Variants in TRAPPC2L observed in about 807,000 individuals in gnomAD.
TRAPPC2L encodes trafficking protein particle complex subunit 2-like protein.
TRAPPC2L carries 17 observed loss-of-function variants against 13.2 expected under a neutral mutation model. The observed-to-expected ratio is 1.29, with a 90% confidence interval of 0.88 to 1.93. TRAPPC2L has a LOEUF of 1.93. TRAPPC2L is among the 30% of genes most tolerant of loss of function. The probability of loss-of-function intolerance (pLI) is 0.00; values close to 1 mark genes in which losing one functional copy is unlikely to be tolerated. For missense variants in TRAPPC2L, 359 were observed against 252.1 expected, an observed-to-expected ratio of 1.42 and a Z score of -2.87; for synonymous variants, 150 against 98.1, an observed-to-expected ratio of 1.53 and a Z score of -3.12.
chr16:88,857,036 T>C, upstream of TRAPPC2L: 9 of 1,425,268 alleles, frequency 6.3e-6, no homozygotes, highest in Non-Finnish European at 7.3e-6. Flanking sequence ...CTGGACTGCC[T>C]CGTGACCAGT....
chr16:88,859,940 CT>C lies in TRAPPC2L; in HGVS notation c.344del (p.Phe115SerfsTer24), dbSNP rs1169048089. 3 of 1,526,372 alleles carry C rather than the reference CT, an allele frequency of 2.0e-6. No individual in the cohort carries two copies. Among genetic ancestry groups the C allele is most frequent in the Non-Finnish European group, 2.6e-6 (3 of 1,142,098 alleles). 94.6% of individuals were successfully genotyped at this position (1,526,372 alleles called of 1,614,324 possible). A position where few individuals can be genotyped will look rare whatever the true frequency, so the allele number is the denominator to read the frequency against. On this transcript the variant is annotated frameshift_variant, in exon 4 of 4. Transcript: ENST00000565504. LOFTEE classifies it low-confidence loss of function (END_TRUNC). ...CCTACACAGACGTGATGTGCAACCC[CT>C]TCTACAACCCGGGGGACCGCATCCA...
At chr16:88,856,398 G>A (rs1967883454), upstream of TRAPPC2L, 3 of 701,786 alleles carry the variant, frequency 4.3e-6, no homozygotes, top group Admixed American at 2.0e-5. Context: ...AGAGTAGAGG[G>A]CGGGAAAGGT....
At position 88,857,181 on chromosome 16, in the gene TRAPPC2L, G is replaced by T. The variant is rs763770257; in HGVS notation, c.31G>T (p.Glu11Ter). The T allele has an allele frequency of 1.3e-6, 2 of 1,577,766 alleles. No individual in the cohort carries two copies. Among genetic ancestry groups the T allele is most frequent in the Non-Finnish European group, 1.7e-6 (2 of 1,167,236 alleles). ...GGTGTGCATCGCGGTGATTGCCAAG[G>T]AGGTGCGTACGCGCGGCGTGGGGCG... The change falls in exon 1 of 4, where the codon GAG (glutamate) becomes TAG (stop). Residue 11 changes from glutamate (E) to a stop codon, truncating the protein, a stop_gained and splice_region_variant. Transcript: ENST00000565504. LOFTEE classifies it high-confidence loss of function.
chr16:88,856,788 G>T, upstream of TRAPPC2L: 1 of 1,543,886 alleles, frequency 6.5e-7, no homozygotes, highest in South Asian at 1.2e-5. Flanking sequence ...GGATGTTGGG[G>T]GGCTGCGGGG....
In TRAPPC2L at chr16:88,857,183, G is replaced by A. The variant is rs756746301; in HGVS notation, c.33G>A (p.Glu11=). The change falls in exon 1 of 4, where the codon GAG becomes GAA. Residue 11 remains glutamate, a splice_region_variant and synonymous_variant. Transcript: ENST00000565504. ...TGTGCATCGCGGTGATTGCCAAGGA[G>A]GTGCGTACGCGCGGCGTGGGGCGTC... is the stretch of plus-strand genomic sequence containing the variant. 8.9e-6 allele frequency: 14 copies of A among 1,576,178 alleles called. No homozygotes were observed. In the South Asian group the frequency reaches 1.4e-4, roughly 15 times the overall value.
At chr16:88,856,329 C>A (rs1461048396), upstream of TRAPPC2L, 1 of 702,526 alleles carries the variant, frequency 1.4e-6, no homozygotes, top group East Asian at 2.7e-5. Context: ...TCAGGCAGGG[C>A]GGCAGGAGCA....
exon 4 of TRAPPC2L, chr16:88,859,938 C>G (rs1968258253): frequency 6.5e-7 from 1 of 1,528,988 alleles, no homozygotes; most frequent in Non-Finnish European, 8.7e-7. Flanking sequence ...GATGTGCAAC[C>G]CCTTCTACAA....
At chr16:88,861,485 C>T (rs1968385460) in exon 4 of TRAPPC2L, 7 of 359,778 alleles carry the variant, frequency 1.9e-5, no homozygotes, top group South Asian at 1.4e-4. Context: ...TCCGCCCGGC[C>T]TTAAAAGGAG....
upstream of TRAPPC2L, chr16:88,856,617 G>T (rs1190174249): frequency 2.7e-6 from 1 of 374,750 alleles, no homozygotes; most frequent in Non-Finnish European, 5.1e-6. Flanking sequence ...CCCCGCGCGG[G>T]GCCTCCCCCC....
exon 4 of TRAPPC2L, chr16:88,861,390 G>C (rs1325754057): frequency 2.9e-6 from 1 of 345,632 alleles, no homozygotes; most frequent in Admixed American, 4.1e-5. Flanking sequence ...GGGCACAAGG[G>C]GAGCCGGCGT....
chr16:88,857,318 C>A, intron 1 of TRAPPC2L, 135 bp downstream of exon 1: 1 of 839,824 alleles, frequency 1.2e-6, no homozygotes, highest in South Asian at 1.9e-5. Flanking sequence ...CTCCAGCGGT[C>A]AGGGGCTTCG....
upstream of TRAPPC2L, chr16:88,857,015 G>C (rs550792991): frequency 7.2e-7 from 1 of 1,390,180 alleles, no homozygotes; most frequent in East Asian, 3.0e-5. Context: ...CGGAGGGACG[G>C]GAGGCGGGGC....
At position 88,861,014 on chromosome 16, in the gene TRAPPC2L, C is replaced by A. The variant is rs912622561; in HGVS notation, c.*690C>A. On this transcript the variant is annotated 3_prime_UTR_variant, in exon 4 of 4. Transcript: ENST00000565504. ...AGCCCGCGCACGACTGTGGTGGGGC[C>A]GTCGGTCTGTTCTGGTTGCCTCTTC... The A allele has an allele frequency of 4.6e-6, 7 of 1,534,546 alleles. No individual in the cohort carries two copies. In the Admixed American group the frequency reaches 7.8e-5, roughly 17 times the overall value.
chr16:88,861,131 C>T (rs537550400), exon 4 of TRAPPC2L: 55 of 640,056 alleles, frequency 8.6e-5, no homozygotes, highest in Non-Finnish European at 1.4e-4. Flanking sequence ...TTTTTCCTTC[C>T]GTGTCAGCCA....
At chr16:88,861,881 C>A (rs1047960158) in exon 4 of TRAPPC2L, 1 of 300,260 alleles carries the variant, frequency 3.3e-6, no homozygotes, top group Non-Finnish European at 6.7e-6. Context: ...TTTCTTGATA[C>A]ATATTTGCCT....
upstream of TRAPPC2L, chr16:88,857,007 G>A: frequency 1.4e-6 from 2 of 1,388,996 alleles, no homozygotes; most frequent in Non-Finnish European, 1.8e-6. Context: ...AGAGTCCGCG[G>A]AGGGACGGGA....
chr16:88,856,461 G>C (rs1463001817), upstream of TRAPPC2L: 2 of 700,284 alleles, frequency 2.9e-6, no homozygotes, highest in East Asian at 5.4e-5. Context: ...CTGCCAGGGA[G>C]GACGCTGTCC....
At chr16:88,858,474 C>T (rs1968136484) in intron 1 of TRAPPC2L, 145 bp from the exon 2 acceptor site, 7 of 801,948 alleles carry the variant, frequency 8.7e-6, no homozygotes, top group East Asian at 7.8e-5. Context: ...GTGCCCACTG[C>T]GGCATAGAGA....
chr16:88,857,189 T>G lies in TRAPPC2L; in HGVS notation c.33+6T>G, dbSNP rs1303988897. The G allele has an allele frequency of 1.9e-6, 3 of 1,572,856 alleles. No homozygotes were observed. Among genetic ancestry groups the G allele is most frequent in the Non-Finnish European group, 2.6e-6 (3 of 1,164,732 alleles). On this transcript the variant is annotated splice_donor_region_variant and intron_variant, in intron 1 of 3. Coordinates refer to ENST00000565504, the Ensembl canonical transcript of TRAPPC2L. ...TCGCGGTGATTGCCAAGGAGGTGCGTACGCGCGGCGTGGGGCGTCCGGGCT... is the reference window on the plus strand; with the variant it reads ...TCGCGGTGATTGCCAAGGAGGTGCGGACGCGCGGCGTGGGGCGTCCGGGCT...
Sources: allele counts gnomAD v4.1 joint callset, GRCh38; gene constraint gnomAD v4.1.1; transcripts MANE v1.5; gene names NCBI Gene and HGNC (gene_info 2026-07-23, HGNC 2026-07-21).